Variants in WDR5B observed in about 807,000 individuals in gnomAD.
WDR5B encodes WD repeat domain 5B, also known as WD repeat-containing protein 5B.
Under a neutral mutation model 24.0 loss-of-function variants are expected in WDR5B, and 17 were observed. That is an observed-to-expected ratio of 0.71 (90% CI 0.49 to 1.06). The LOEUF (loss-of-function observed/expected upper bound fraction) is 1.06. WDR5B is among the 50% of genes least tolerant of loss of function. WDR5B has a pLI of 0.00. For missense variants in WDR5B, 368 were observed against 384.1 expected, an observed-to-expected ratio of 0.96 and a Z score of 0.35; for synonymous variants, 150 against 146.4, an observed-to-expected ratio of 1.02 and a Z score of -0.18.
In WDR5B at chr3:122,415,997, C is replaced by T. The variant is rs937136590; in HGVS notation, c.-469G>A. ...GCGGATTTCAGAAGCTAAAAGCCTA[C>T]GAAGCCACCGAAACTGGAAACTCTG... On this transcript the variant is annotated 5_prime_UTR_variant, in exon 1 of 1. Transcript: ENST00000330689. 1 of 168,860 alleles carries T rather than the reference C, an allele frequency of 5.9e-6. No homozygotes were observed. The highest frequency in any genetic ancestry group is 1.4e-5 in the Non-Finnish European group (1 of 69,296). The allele number at this position is 168,860 out of a possible 1,614,324, so 10.5% of individuals were successfully genotyped here.
rs1477070068 is a variant in WDR5B, at chr3:122,415,032, T to G, written c.497A>C (p.His166Pro). The G allele has an allele frequency of 6.2e-7, 1 of 1,614,190 alleles. No homozygotes were observed. ...TGKCLKTLSA[H>P]SDPVSAVHFN... is the part of the protein sequence containing the mutation. The stretch of plus-strand genomic sequence containing the variant: ...ATGAACAGCAGAAACTGGGTCAGAA[T>G]GAGCAGACAAAGTCTTGAGACACTT... The change falls in exon 1 of 1, where the codon CAT becomes CCT. Residue 166 changes from histidine to proline, a missense_variant. Physicochemically the swap from His to Pro is moderately conservative, Grantham distance 77. Coordinates refer to ENST00000330689, the MANE Select transcript of WDR5B (RefSeq NM_019069.4).
chr3:122,414,375 G>T lies in WDR5B; in HGVS notation c.*161C>A. The T allele has an allele frequency of 2.2e-6, 2 of 902,614 alleles. No homozygotes were observed. The highest frequency in any genetic ancestry group is 3.2e-6 in the Non-Finnish European group (2 of 621,732). The allele number at this position is 902,614 out of a possible 1,614,324, so 55.9% of individuals were successfully genotyped here. A position where few individuals can be genotyped will look rare whatever the true frequency, so the allele number is the denominator to read the frequency against. ...TAGTCAGAAGCTGAATTCTAGATGTGCTTTTTCAACTATCTCATTTTGTAA... is the reference window on the plus strand; with the variant it reads ...TAGTCAGAAGCTGAATTCTAGATGTTCTTTTTCAACTATCTCATTTTGTAA... On this transcript the variant is annotated 3_prime_UTR_variant, in exon 1 of 1. Coordinates refer to ENST00000330689, the MANE Select transcript of WDR5B (RefSeq NM_019069.4).
In WDR5B at chr3:122,412,518, A is replaced by G; in HGVS notation, c.*2018T>C. The G allele has an allele frequency of 6.6e-6, 1 of 152,208 alleles. No homozygotes were observed. The highest frequency in any genetic ancestry group is 1.9e-4 in the East Asian group (1 of 5,200). The allele number at this position is 152,208 out of a possible 1,614,324, so 9.4% of individuals were successfully genotyped here. A position where few individuals can be genotyped will look rare whatever the true frequency, so the allele number is the denominator to read the frequency against. ...TACTTCCTGATTCCACAGAACTCAT[A>G]ATCTGGAAGCACAGCCCATGAAAGC... On this transcript the variant is annotated 3_prime_UTR_variant, in exon 1 of 1. Coordinates refer to ENST00000330689, the MANE Select transcript of WDR5B (RefSeq NM_019069.4).
In WDR5B at chr3:122,415,359, G is replaced by C. The variant is rs769194032; in HGVS notation, c.170C>G (p.Ala57Gly). 1 of 1,614,104 alleles carries C rather than the reference G, an allele frequency of 6.2e-7. No homozygotes were observed. Among genetic ancestry groups the C allele is most frequent in the Non-Finnish European group, 8.5e-7 (1 of 1,180,052 alleles). ...GATTAGCCTATCAGCAGAAGAACTT[G>C]CTAGCCATTCTCCATTAGGACTAAA... ...VKFSPNGEWLASSSADRLIII... is the reference protein window; with the variant it reads ...VKFSPNGEWLGSSSADRLIII... Residue 57 changes from alanine (A) to glycine (G), a missense_variant, in exon 1 of 1, where the codon GCA becomes GGA. Transcript: ENST00000330689.
Position 122,415,382 on chromosome 3 carries a change from AAACTT to A in WDR5B, c.142_146del (p.Lys48Ter), listed in dbSNP as rs764928456. 12 of 1,614,128 alleles carry A rather than the reference AAACTT, an allele frequency of 7.4e-6. No homozygotes were observed. Among genetic ancestry groups the A allele is most frequent in the South Asian group, 2.2e-5 (2 of 91,092 alleles). On this transcript the variant is annotated frameshift_variant, in exon 1 of 1. Coordinates refer to ENST00000330689, the MANE Select transcript of WDR5B (RefSeq NM_019069.4). LOFTEE classifies it high-confidence loss of function. Reference sequence around the variant, plus strand: ...TTGCTAGCCATTCTCCATTAGGACTAAACTTAACTGATGACACTGCTTCCGTGTGT... The same window carrying A: ...TTGCTAGCCATTCTCCATTAGGACTAAACTGATGACACTGCTTCCGTGTGT...
Position 122,415,366 on chromosome 3 carries a change from A to G in WDR5B, c.163T>C (p.Trp55Arg), listed in dbSNP as rs748516360. Residue 55 changes from tryptophan (W) to arginine (R), a missense_variant, in exon 1 of 1, where the codon TGG (tryptophan) becomes CGG (arginine). By Grantham distance (101) the Trp-to-Arg change is moderately radical (BLOSUM62 -3). Coordinates refer to ENST00000330689, the MANE Select transcript of WDR5B (RefSeq NM_019069.4). ...SSVKFSPNGE[W>R]LASSSADRLI... Reference sequence around the variant, plus strand: ...CTATCAGCAGAAGAACTTGCTAGCCATTCTCCATTAGGACTAAACTTAACT... The same window carrying G: ...CTATCAGCAGAAGAACTTGCTAGCCGTTCTCCATTAGGACTAAACTTAACT... 6.2e-7 allele frequency: 1 copy of G among 1,614,244 alleles called. No homozygotes were observed. The highest frequency in any genetic ancestry group is 8.5e-7 in the Non-Finnish European group (1 of 1,180,040).
Position 122,415,755 on chromosome 3 carries a change from T to C in WDR5B, c.-227A>G, listed in dbSNP as rs2075732102. On this transcript the variant is annotated 5_prime_UTR_variant, in exon 1 of 1. Transcript: ENST00000330689. The stretch of plus-strand genomic sequence containing the variant: ...TTTTTGTTAAGTACTTGAGAAATAC[T>C]GTTAGAAGGATCCTGTGCGCTGTCA... 9.8e-6 allele frequency: 5 copies of C among 511,608 alleles called. No homozygotes were observed. The highest frequency in any genetic ancestry group is 1.4e-5 in the Non-Finnish European group (4 of 288,280). 31.7% of individuals were successfully genotyped at this position (511,608 alleles called of 1,614,324 possible).
At position 122,415,061 on chromosome 3, in the gene WDR5B, T is replaced by G; in HGVS notation, c.468A>C (p.Thr156=). The change falls in exon 1 of 1, where the codon ACA becomes ACC. Residue 156 remains threonine (T), a synonymous_variant. Coordinates refer to ENST00000330689, the MANE Select transcript of WDR5B (RefSeq NM_019069.4). ...CAGACAAAGTCTTGAGACACTTTCC[T>G]GTTTTCACCTCCCATATTTTTACAG... ...DETVKIWEVK[T]GKCLKTLSAH... is the part of the protein sequence containing the mutation. The G allele has an allele frequency of 6.2e-7, 1 of 1,614,204 alleles. No individual in the cohort carries two copies. Among genetic ancestry groups the G allele is most frequent in the Non-Finnish European group, 8.5e-7 (1 of 1,180,034 alleles).
chr3:122,415,433 A>C lies in WDR5B; in HGVS notation c.96T>G (p.Ala32=), dbSNP rs751264198. 9 of 1,614,136 alleles carry C rather than the reference A, an allele frequency of 5.6e-6. No homozygotes were observed. The Admixed American group carries it at 1.3e-4, about 24-fold the overall frequency. ...SKEVPENPNY[A]LKCTLVGHTE... is the part of the protein sequence containing the mutation. ...TGTGTCCCACAAGAGTACATTTGAGAGCATAGTTTGGGTTTTCAGGCACTT... is the reference window on the plus strand; with the variant it reads ...TGTGTCCCACAAGAGTACATTTGAGCGCATAGTTTGGGTTTTCAGGCACTT... The change falls in exon 1 of 1, where the codon GCT becomes GCG. Residue 32 remains alanine, a synonymous_variant. Coordinates refer to ENST00000330689, the MANE Select transcript of WDR5B (RefSeq NM_019069.4).
At position 122,415,657 on chromosome 3, in the gene WDR5B, G is replaced by A; in HGVS notation, c.-129C>T. The A allele has an allele frequency of 8.0e-7, 1 of 1,254,482 alleles. No homozygotes were observed. The highest frequency in any genetic ancestry group is 1.6e-5 in the South Asian group (1 of 63,574). The allele number at this position is 1,254,482 out of a possible 1,614,324, so 77.7% of individuals were successfully genotyped here. ...GATTTTAAAATGTACAGTTTTGAAA[G>A]CTTAAAGTTTCTGGACAGTCTTTAA... On this transcript the variant is annotated 5_prime_UTR_variant, in exon 1 of 1. Transcript: ENST00000330689.
In WDR5B at chr3:122,412,091, T is replaced by C. The variant is rs757344064; in HGVS notation, c.*2445A>G. On this transcript the variant is annotated 3_prime_UTR_variant, in exon 1 of 1. Coordinates refer to ENST00000330689, the MANE Select transcript of WDR5B (RefSeq NM_019069.4). ...CCCTACTAGTAACTCTGATATCTCA[T>C]AGTCCTCAGATTTATCAAGCAAACG... 6.6e-6 allele frequency: 1 copy of C among 152,170 alleles called. No individual in the cohort carries two copies. The highest frequency in any genetic ancestry group is 1.5e-5 in the Non-Finnish European group (1 of 68,030). The allele number at this position is 152,170 out of a possible 1,614,324, so 9.4% of individuals were successfully genotyped here.
rs745994166 is a variant in WDR5B at position 122,415,237 on chromosome 3, G to A, written c.292C>T (p.Leu98Phe). The A allele has an allele frequency of 6.2e-7, 1 of 1,614,212 alleles. No homozygotes were observed. Among genetic ancestry groups the A allele is most frequent in the East Asian group, 2.2e-5 (1 of 44,888 alleles). ...GTTTTATCATCTGAGGCAGAAACAA[G>A]ACGACTGGAATCTGATGACCAGGCA... Reference protein sequence around the residue: ...DVAWSSDSSRLVSASDDKTLK... With the variant: ...DVAWSSDSSRFVSASDDKTLK... Residue 98 changes from leucine to phenylalanine, a missense_variant, in exon 1 of 1, where the codon CTT becomes TTT. Coordinates refer to ENST00000330689, the MANE Select transcript of WDR5B (RefSeq NM_019069.4).
rs1472872103 is a variant in WDR5B at position 122,412,018 on chromosome 3, C to A, written c.*2518G>T. On this transcript the variant is annotated 3_prime_UTR_variant, in exon 1 of 1. Coordinates refer to ENST00000330689, the MANE Select transcript of WDR5B (RefSeq NM_019069.4). Reference sequence around the variant, plus strand: ...CAGTTTCTTGGCCAGAATTCAAGATCTGCCCCTAACTAATCCTACTTCTCC... The same window carrying A: ...CAGTTTCTTGGCCAGAATTCAAGATATGCCCCTAACTAATCCTACTTCTCC... 1.3e-5 allele frequency: 2 copies of A among 152,158 alleles called. No individual in the cohort carries two copies. Among genetic ancestry groups the A allele is most frequent in the African/African-American group, 2.4e-5 (1 of 41,426 alleles). 9.4% of individuals were successfully genotyped at this position (152,158 alleles called of 1,614,324 possible). A position where few individuals can be genotyped will look rare whatever the true frequency, so the allele number is the denominator to read the frequency against.
Position 122,415,256 on chromosome 3 carries a change from C to G in WDR5B, c.273G>C (p.Trp91Cys). The G allele has an allele frequency of 6.2e-7, 1 of 1,614,192 alleles. No homozygotes were observed. The change falls in exon 1 of 1, where the codon TGG becomes TGC. Residue 91 changes from tryptophan (W) to cysteine (C), a missense_variant. Transcript: ENST00000330689. ...AAACAAGACGACTGGAATCTGATGA[C>G]CAGGCAACATCCGATATTTCCAAAT... ...GHNLEISDVA[W>C]SSDSSRLVSA...
rs1466575082 is a variant in WDR5B at position 122,413,753 on chromosome 3, A to G, written c.*783T>C. 1 of 152,190 alleles carries G rather than the reference A, an allele frequency of 6.6e-6. No homozygotes were observed. The highest frequency in any genetic ancestry group is 1.5e-5 in the Non-Finnish European group (1 of 68,016). The allele number at this position is 152,190 out of a possible 1,614,324, so 9.4% of individuals were successfully genotyped here. On this transcript the variant is annotated 3_prime_UTR_variant, in exon 1 of 1. Transcript: ENST00000330689. ...ATCCCACTAGTAGGTATCTACCCAA[A>G]GGAAATTATATTTTAAAATCACCTG...
rs1284951929 is a variant in WDR5B, at chr3:122,414,394, T to A, written c.*142A>T. On this transcript the variant is annotated 3_prime_UTR_variant, in exon 1 of 1. Coordinates refer to ENST00000330689, the MANE Select transcript of WDR5B (RefSeq NM_019069.4). ...AGATGTGCTTTTTCAACTATCTCAT[T>A]TTGTAAATGTAGTGTATGAATCTCA... The A allele has an allele frequency of 3.9e-6, 4 of 1,028,058 alleles. No individual in the cohort carries two copies. In the East Asian group the frequency reaches 1.1e-4, roughly 27 times the overall value. 63.7% of individuals were successfully genotyped at this position (1,028,058 alleles called of 1,614,324 possible).
In WDR5B at chr3:122,415,268, C is replaced by T. The variant is rs767138522; in HGVS notation, c.261G>A (p.Ser87=). ...TGGAATCTGATGACCAGGCAACATC[C>T]GATATTTCCAAATTATGACCATAGA... ...KTLYGHNLEI[S]DVAWSSDSSR... The change falls in exon 1 of 1, where the codon TCG becomes TCA. Residue 87 remains serine (S), a synonymous_variant. Transcript: ENST00000330689. 4 of 1,614,172 alleles carry T rather than the reference C, an allele frequency of 2.5e-6. No homozygotes were observed. The highest frequency in any genetic ancestry group is 4.5e-5 in the East Asian group (2 of 44,890).
chr3:122,414,653 T>C lies in WDR5B; in HGVS notation c.876A>G (p.Lys292=). The C allele has an allele frequency of 6.2e-7, 1 of 1,614,208 alleles. No homozygotes were observed. Among genetic ancestry groups the C allele is most frequent in the Non-Finnish European group, 8.5e-7 (1 of 1,180,036 alleles). ...WNLQTKEIVQ[K]LQGHTDVVIS... ...TCACAACATCTGTATGGCCTTGTAA[T>C]TTCTGCACAATCTCTTTAGTCTGAA... The change falls in exon 1 of 1, where the codon AAA becomes AAG. Residue 292 remains lysine, a synonymous_variant. Coordinates refer to ENST00000330689, the MANE Select transcript of WDR5B (RefSeq NM_019069.4).
In WDR5B at chr3:122,415,363, G is replaced by A. The variant is rs774920022; in HGVS notation, c.166C>T (p.Leu56=). ...SVKFSPNGEW[L]ASSSADRLII... ...AGCCTATCAGCAGAAGAACTTGCTA[G>A]CCATTCTCCATTAGGACTAAACTTA... Residue 56 remains leucine, a synonymous_variant, in exon 1 of 1, where the codon CTA becomes TTA. Coordinates refer to ENST00000330689, the MANE Select transcript of WDR5B (RefSeq NM_019069.4). 4 of 1,614,246 alleles carry A rather than the reference G, an allele frequency of 2.5e-6. No homozygotes were observed. The South Asian group carries it at 4.4e-5, about 18-fold the overall frequency.
Sources: allele counts gnomAD v4.1 joint callset, GRCh38; gene constraint gnomAD v4.1.1; transcripts MANE v1.5; gene names NCBI Gene and HGNC (gene_info 2026-07-23, HGNC 2026-07-21).